The following MDN1 variants were observed in gnomAD, a reference collection of about 807,000 sequenced individuals.
MDN1 encodes the protein midasin AAA ATPase 1, also known as midasin.
A neutral mutation model predicts 669.2 loss-of-function variants in MDN1; 266 were observed. The observed-to-expected ratio is 0.40, with a 90% CI of 0.36 to 0.44. MDN1 has a LOEUF of 0.44. Among genes scored for constraint, MDN1 ranks in the 20% least tolerant of loss-of-function variants. The probability of loss-of-function intolerance (pLI) is 1.00; values close to 1 mark genes in which losing one functional copy is unlikely to be tolerated. For missense variants in MDN1, 5,940 were observed against 6,754.0 expected, an observed-to-expected ratio of 0.88 and a Z score of 4.22; for synonymous variants, 2,385 against 2,457.1, an observed-to-expected ratio of 0.97 and a Z score of 0.87.
intron 33 of MDN1, among the ~76,000 whole-genome samples, chr6:89,735,555 T>G (rs2128316027): frequency 6.6e-6 from 1 of 152,122 alleles, no homozygotes; most frequent in Non-Finnish European, 1.5e-5. Context: ...ATCTTTTGTT[T>G]TGGTCATACT....
chr6:89,724,921 T>C (rs868860961), intron 38 of MDN1, among the ~76,000 whole-genome samples: 1 of 152,222 alleles, frequency 6.6e-6, no homozygotes, highest in East Asian at 1.9e-4. Context: ...AGGTCCAAGA[T>C]TGGACTTCAT....
In MDN1 at chr6:89,693,209, G is replaced by A. The variant is rs1812494737; in HGVS notation, c.9882-61C>T. ...AGAAGAAGAGCAGCAAATCTAGATT[G>A]GATCCTCAGCTAGGAAAACCGAAGG... On this transcript the variant is annotated intron_variant, in intron 62 of 101. Transcript: ENST00000369393. The A allele has an allele frequency of 2.4e-6, 3 of 1,232,794 alleles. No individual in the cohort carries two copies. In the African/African-American group the frequency reaches 4.5e-5, roughly 19 times the overall value. The allele number at this position is 1,232,794 out of a possible 1,614,324, so 76.4% of individuals were successfully genotyped here. A position where few individuals can be genotyped will look rare whatever the true frequency, so the allele number is the denominator to read the frequency against.
rs1812711246 is a variant in MDN1, at chr6:89,695,974, G to C, written c.9402C>G (p.Leu3134=). 6 of 1,608,448 alleles carry C rather than the reference G, an allele frequency of 3.7e-6. No homozygotes were observed. Among genetic ancestry groups the C allele is most frequent in the Non-Finnish European group, 5.1e-6 (6 of 1,177,024 alleles). Reference sequence around the variant, plus strand: ...GGTGCCGGAACAGCACCTGCCCCTGGAGTTGGGAATCCGTGCGTCTGTGGG... The same window carrying C: ...GGTGCCGGAACAGCACCTGCCCCTGCAGTTGGGAATCCGTGCGTCTGTGGG... ...VAEFRRTDSQ[L]QGQVLFRHLA... Residue 3134 remains leucine (L), a synonymous_variant, in exon 61 of 102, where the codon CTC becomes CTG. Coordinates refer to ENST00000369393, the MANE Select transcript of MDN1 (RefSeq NM_014611.3). This position sits in a 1 kb window ranked among gnomAD's most constrained non-coding sequence, Gnocchi z 4.1.
intron 9 of MDN1, among the ~76,000 whole-genome samples, chr6:89,782,037 T>C (rs2128324709): frequency 6.6e-6 from 1 of 152,116 alleles, no homozygotes; most frequent in Non-Finnish European, 1.5e-5. Flanking sequence ...TTACCAAAAA[T>C]AAGAACTTCC....
At chr6:89,718,662 G>T (rs1814596801) in intron 42 of MDN1, 35 bp from the exon 43 acceptor site, 13 of 1,609,398 alleles carry the variant, frequency 8.1e-6, no homozygotes, top group East Asian at 6.7e-5. Flanking sequence ...TCATCATAGG[G>T]TCAGAGAATA....
intron 8 of MDN1, among the ~76,000 whole-genome samples, chr6:89,786,316 G>C (rs1326655657): frequency 6.6e-6 from 1 of 151,846 alleles, no homozygotes; most frequent in Admixed American, 6.6e-5. Flanking sequence ...ACAGTGCCAG[G>C]TACAGTGGCT....
At chr6:89,688,309 A>G (rs1181578469) in intron 66 of MDN1, 136 bp from the exon 67 acceptor site, 1 of 817,968 alleles carries the variant, frequency 1.2e-6, no homozygotes, top group Non-Finnish European at 1.9e-6. Context: ...AAAACAGAGC[A>G]ACATGGCAGC....
Position 89,785,290 on chromosome 6 carries a change from A to C in MDN1, c.1335-164T>G, listed in dbSNP as rs564408595. Among the ~76,000 whole-genome samples, 10 of 152,342 alleles carry C rather than the reference A, an allele frequency of 6.6e-5. No homozygotes were observed. In the East Asian group the frequency reaches 1.9e-3, roughly 29 times the overall value. Reference sequence around the variant, plus strand: ...GTTGGGCTTACAGGGCAGATGACAAATGAAAGGCTGACAGTTAACCCATGT... The same window carrying C: ...GTTGGGCTTACAGGGCAGATGACAACTGAAAGGCTGACAGTTAACCCATGT... On this transcript the variant is annotated intron_variant, in intron 8 of 101. Transcript: ENST00000369393.
intron 31 of MDN1, 70 bp downstream of exon 31, chr6:89,743,080 T>A: frequency 6.4e-7 from 1 of 1,572,292 alleles, no homozygotes. Flanking sequence ...GAGAACACTG[T>A]CTCAGGGAGA....
Position 89,762,323 on chromosome 6 carries a change from T to G in MDN1, c.2352A>C (p.Glu784Asp). 15 of 1,613,646 alleles carry G rather than the reference T, an allele frequency of 9.3e-6. No individual in the cohort carries two copies. The highest frequency in any genetic ancestry group is 1.3e-5 in the Non-Finnish European group (15 of 1,179,754). The change falls in exon 16 of 102, where the codon GAA becomes GAC. Residue 784 changes from glutamate to aspartate, a missense_variant. Around this residue, in one of 5 missense-constraint regions of MDN1, gnomAD observed 1,203 missense variants for 1,268.9 expected, o/e 0.95. Coordinates refer to ENST00000369393, the MANE Select transcript of MDN1 (RefSeq NM_014611.3). ...CAGCCTGGGTCACATCCTTACCAGT[T>G]TCACTGTCTTTTCCATCCTTGTTAA... ...SAVNKDGKDS[E>D]TGLLIKEKWE...
At chr6:89,786,934 A>G (rs1169569230) in intron 8 of MDN1, among the ~76,000 whole-genome samples, 1 of 151,508 alleles carries the variant, frequency 6.6e-6, no homozygotes. Flanking sequence ...CAAAAAAAAA[A>G]AAAAAAAAAA....
At position 89,768,207 on chromosome 6, in the gene MDN1, A is replaced by G. The variant is rs565347074; in HGVS notation, c.2144+3354T>C. Among the ~76,000 whole-genome samples the G allele has an allele frequency of 1.4e-4, 21 of 152,234 alleles. No homozygotes were observed. The South Asian group carries it at 4.4e-3, about 32-fold the overall frequency. ...GTGATATGGTTTGGCTGTGTCCCCAACCAAATCTCATCTTGAATTGTAGCT... is the reference window on the plus strand; with the variant it reads ...GTGATATGGTTTGGCTGTGTCCCCAGCCAAATCTCATCTTGAATTGTAGCT... On this transcript the variant is annotated intron_variant, in intron 15 of 101. Coordinates refer to ENST00000369393, the MANE Select transcript of MDN1 (RefSeq NM_014611.3).
At chr6:89,750,322 C>T (rs1486427263) in intron 24 of MDN1, 32 bp downstream of exon 24, 2 of 1,563,544 alleles carry the variant, frequency 1.3e-6, no homozygotes, top group South Asian at 1.1e-5. Context: ...AGAATAAACA[C>T]CTATGTCCAT....
At chr6:89,646,056 C>T (rs1808472023) in intron 100 of MDN1, among the ~76,000 whole-genome samples, 1 of 152,142 alleles carries the variant, frequency 6.6e-6, no homozygotes, top group Non-Finnish European at 1.5e-5. Flanking sequence ...CCAGAATACA[C>T]ACATATTCAA....
intron 15 of MDN1, 37 bp downstream of exon 15, chr6:89,771,524 A>T: frequency 1.9e-6 from 3 of 1,555,264 alleles, no homozygotes; most frequent in Non-Finnish European, 2.7e-6. Flanking sequence ...CAAGCAATAA[A>T]CACAAAAATA....
intron 1 of MDN1, among the ~76,000 whole-genome samples, chr6:89,819,020 AGATCGTAAC>A (rs1335861301): frequency 6.6e-6 from 1 of 152,196 alleles, no homozygotes; most frequent in African/African-American, 2.4e-5. Context: ...CTCATGGCAG[AGATCGTAAC>A]GAATTTATCT....
chr6:89,704,649 C>T (rs375944882), intron 53 of MDN1, among the ~76,000 whole-genome samples: 9 of 152,252 alleles, frequency 5.9e-5, no homozygotes, highest in African/African-American at 2.2e-4. Context: ...TGCAATGGCA[C>T]GATCTCGACT....
intron 99 of MDN1, 136 bp from the exon 100 acceptor site, chr6:89,646,739 T>C (rs958475251): frequency 1.2e-5 from 8 of 693,826 alleles, no homozygotes; most frequent in Non-Finnish European, 1.8e-5. Context: ...CAACTAACTG[T>C]CCCTTCTGGC....
At chr6:89,791,035 T>TAAATAA (rs1224532529) in intron 5 of MDN1, among the ~76,000 whole-genome samples, 1 of 151,830 alleles carries the variant, frequency 6.6e-6, no homozygotes, top group South Asian at 2.1e-4. Context: ...AATAAATAAA[T>TAAATAA]AAATAAAAAT....
Sources: gnomAD v4.1 joint callset for allele counts (sites outside exome capture counted in the v4.1 genomes callset) on GRCh38, gnomAD v4.1.1 for gene constraint, gnomAD v4.1.1 regional missense constraint, Gnocchi (gnomAD v3.1) non-coding constraint, MANE v1.5 for transcripts, NCBI Gene and HGNC (gene_info 2026-07-23, HGNC 2026-07-21) for gene names.